Variants in KCNMB3 observed in about 807,000 individuals in gnomAD.
KCNMB3 encodes the protein calcium-activated potassium channel subunit beta-3.
KCNMB3 carries 18 observed loss-of-function variants against 11.9 expected under a neutral mutation model. The observed-to-expected ratio is 1.51, with a 90% CI of 1.04 to 2.23. The LOEUF is 2.23. Among genes scored for constraint, KCNMB3 ranks in the 30% most tolerant of loss-of-function variants. The pLI is 0.00. For synonymous variants in KCNMB3, 78 were observed against 119.2 expected (o/e 0.65, Z 2.25); for missense variants, 247 against 329.4 (o/e 0.75, Z 1.94).
chr3:179,250,633 A>T, intron 1 of KCNMB3, 110 bp downstream of exon 1: 1 of 1,110,526 alleles, frequency 9.0e-7, no homozygotes, highest in Non-Finnish European at 1.3e-6. Context: ...TTTCTAGACC[A>T]TGGCAGAGAG....
rs1318389450 is a variant in KCNMB3, at chr3:179,249,489, C to T, written c.248+1254G>A. Among the ~76,000 whole-genome samples the T allele has an allele frequency of 4.0e-5, 6 of 151,566 alleles. No homozygotes were observed. In the East Asian group the frequency reaches 9.8e-4, roughly 25 times the overall value. ...AGGAGTTCAAGACCAGCCTGGCCAA[C>T]ATGGTGAAACCCCATCTCTACTAAA... On this transcript the variant is annotated intron_variant, in intron 1 of 2. Coordinates refer to ENST00000392685, the MANE Select transcript of KCNMB3 (RefSeq NM_171830.2).
chr3:179,254,219 T>C (rs988741121), upstream of KCNMB3, among the ~76,000 whole-genome samples: 1 of 152,138 alleles, frequency 6.6e-6, no homozygotes, highest in Non-Finnish European at 1.5e-5. Context: ...GAACTGGAAA[T>C]AGCCCCTCTC....
intron 1 of KCNMB3, chr3:179,260,825 A>G: frequency 7.7e-7 from 1 of 1,292,030 alleles, no homozygotes; most frequent in East Asian, 2.3e-5. Context: ...ATATTCAGCC[A>G]GCTGTTCTTC....
downstream of KCNMB3, chr3:179,241,465 T>C (rs969004830): frequency 6.5e-5 from 10 of 154,400 alleles, no homozygotes; most frequent in Admixed American, 4.6e-4. Context: ...TTTAGTAATA[T>C]GTGTCGAAAT....
chr3:179,260,600 G>A, intron 1 of KCNMB3: 5 of 1,456,106 alleles, frequency 3.4e-6, no homozygotes, highest in Non-Finnish European at 4.8e-6. Context: ...CTCTTCTTTC[G>A]TCATCTTGGT....
chr3:179,258,620 AC>A (rs1177801353), intron 1 of KCNMB3, among the ~76,000 whole-genome samples: 1 of 152,258 alleles, frequency 6.6e-6, no homozygotes, highest in African/African-American at 2.4e-5. Context: ...TATTCATAAT[AC>A]AGAAGTCTAA....
chr3:179,249,662 A>C (rs1303999346), intron 1 of KCNMB3, among the ~76,000 whole-genome samples: 1 of 152,130 alleles, frequency 6.6e-6, no homozygotes, highest in Non-Finnish European at 1.5e-5. Flanking sequence ...ACAGAGCAAG[A>C]CTCCGTCTCA....
chr3:179,254,318 A>G (rs980491722), upstream of KCNMB3, among the ~76,000 whole-genome samples: 1 of 152,202 alleles, frequency 6.6e-6, no homozygotes, highest in Admixed American at 6.5e-5. Context: ...GAAAACTACA[A>G]TCTCCCCTGA....
upstream of KCNMB3, among the ~76,000 whole-genome samples, chr3:179,253,170 C>T (rs1031583745): frequency 1.3e-5 from 2 of 152,150 alleles, no homozygotes; most frequent in African/African-American, 4.8e-5. Flanking sequence ...ACTTTAGTTG[C>T]TCTGTAGCGT....
Position 179,266,920 on chromosome 3 carries a change from AGGC to A in KCNMB3, c.-213_-211del, listed in dbSNP as rs1171396147. 6.4e-6 allele frequency: 9 copies of A among 1,411,756 alleles called. No individual in the cohort carries two copies. The East Asian group carries it at 2.3e-4, about 36-fold the overall frequency. 87.5% of individuals were successfully genotyped at this position (1,411,756 alleles called of 1,614,324 possible). ...CACGTGGTTCTGCAGACTCCTGGCA[AGGC>A]GGAGCGGTCAGTTCTAGATGATCAA... On this transcript the variant is annotated 5_prime_UTR_variant, in exon 1 of 4. Transcript: ENST00000349697.
chr3:179,255,024 G>A (rs1725966584), upstream of KCNMB3, among the ~76,000 whole-genome samples: 2 of 152,002 alleles, frequency 1.3e-5, no homozygotes, highest in African/African-American at 4.8e-5. Context: ...AATTAGCCAG[G>A]TGTAGTGGCA....
upstream of KCNMB3, among the ~76,000 whole-genome samples, chr3:179,255,479 T>C (rs1400746766): frequency 6.6e-6 from 1 of 152,128 alleles, no homozygotes; most frequent in African/African-American, 2.4e-5. Flanking sequence ...TAGATACATC[T>C]GAGAAGATAA....
upstream of KCNMB3, among the ~76,000 whole-genome samples, chr3:179,255,888 A>G (rs1430422071): frequency 6.6e-6 from 1 of 152,264 alleles, no homozygotes; most frequent in Non-Finnish European, 1.5e-5. Flanking sequence ...ACTAGAAGCC[A>G]TAAGGCAAGA....
chr3:179,250,614 AT>A, intron 1 of KCNMB3, 128 bp downstream of exon 1: 1 of 967,408 alleles, frequency 1.0e-6, no homozygotes, highest in Non-Finnish European at 1.6e-6. Context: ...GAGGAATTGT[AT>A]TTTTCTTTTT....
chr3:179,259,941 T>C, intron 1 of KCNMB3: 1 of 1,613,322 alleles, frequency 6.2e-7, no homozygotes, highest in African/African-American at 1.3e-5. Context: ...TTCACCCTCT[T>C]CTTCGTTGTG....
At chr3:179,249,074 G>A (rs904693251) in intron 1 of KCNMB3, among the ~76,000 whole-genome samples, 25 of 144,470 alleles carry the variant, frequency 1.7e-4, no homozygotes, top group African/African-American at 6.4e-4. Context: ...GTGCAATGGC[G>A]CAATCTCGGC....
chr3:179,261,353 G>C (rs1277635280), intron 1 of KCNMB3: 1 of 1,158,006 alleles, frequency 8.6e-7, no homozygotes, highest in Non-Finnish European at 1.1e-6. Context: ...GCCGGGCCAG[G>C]GGGCGCGCGC....
At chr3:179,260,022 T>G in intron 1 of KCNMB3, 1 of 1,612,544 alleles carries the variant, frequency 6.2e-7, no homozygotes, top group Non-Finnish European at 8.5e-7. Context: ...GGTGAATTCT[T>G]TCTCTAAACT....
chr3:179,260,229 A>T, intron 1 of KCNMB3: 1 of 1,613,914 alleles, frequency 6.2e-7, no homozygotes, highest in Non-Finnish European at 8.5e-7. Flanking sequence ...GGATGGCTCA[A>T]GGGGAGTTCT....
Sources: allele counts gnomAD v4.1 joint callset (sites outside exome capture counted in the v4.1 genomes callset), GRCh38; gene constraint gnomAD v4.1.1; transcripts MANE v1.5; gene names NCBI Gene and HGNC (gene_info 2026-07-23, HGNC 2026-07-21).